Variants in ATRNL1 observed in about 807,000 individuals in gnomAD.
The protein encoded by ATRNL1 is attractin like 1.
ATRNL1 carries 95 observed loss-of-function variants against 182.7 expected under a neutral mutation model. The ratio of observed to expected loss-of-function variants is 0.52; its 90% CI spans 0.44 to 0.62. The LOEUF is 0.62. ATRNL1 is among the 20% of genes least tolerant of loss of function. The pLI is 0.00. For missense variants in ATRNL1, 1,471 were observed against 1,679.5 expected, an observed-to-expected ratio of 0.88 and a Z score of 2.17; for synonymous variants, 576 against 568.3, an observed-to-expected ratio of 1.01 and a Z score of -0.19.
intron 20 of ATRNL1, among the ~76,000 whole-genome samples, chr10:115,411,154 G>A (rs1845120078): frequency 6.6e-6 from 1 of 151,078 alleles, no homozygotes; most frequent in Non-Finnish European, 1.5e-5. Flanking sequence ...TAGTCTCTGA[G>A]TAAAAAAATT....
chr10:115,673,980 C>T (rs550115437), intron 26 of ATRNL1, among the ~76,000 whole-genome samples: 2 of 152,034 alleles, frequency 1.3e-5, no homozygotes, highest in Non-Finnish European at 2.9e-5. Flanking sequence ...AAAAAGGCTA[C>T]GAGCCAGCAC....
chr10:115,454,142 C>A (rs554218223), intron 21 of ATRNL1, among the ~76,000 whole-genome samples: 1 of 152,100 alleles, frequency 6.6e-6, no homozygotes, highest in African/African-American at 2.4e-5. Context: ...TTCCCAACAC[C>A]ATTTAATGAA....
At chr10:115,562,981 A>G (rs760173447) in intron 26 of ATRNL1, among the ~76,000 whole-genome samples, 2 of 152,244 alleles carry the variant, frequency 1.3e-5, no homozygotes, top group Non-Finnish European at 2.9e-5. Flanking sequence ...CAGTTCCTGA[A>G]TTCAAACTTA....
chr10:115,652,392 A>G (rs1860067979), intron 26 of ATRNL1, among the ~76,000 whole-genome samples: 1 of 152,100 alleles, frequency 6.6e-6, no homozygotes, highest in Non-Finnish European at 1.5e-5. Context: ...CCAGATACCT[A>G]TAAAATTCTT....
intron 27 of ATRNL1, among the ~76,000 whole-genome samples, chr10:115,780,110 A>G (rs965389059): frequency 6.6e-6 from 1 of 152,192 alleles, no homozygotes; most frequent in Non-Finnish European, 1.5e-5. Context: ...TTCATCCCCC[A>G]GTAGCAGCCA....
chr10:115,937,835 A>G (rs1281366453), intron 28 of ATRNL1, among the ~76,000 whole-genome samples: 3 of 152,222 alleles, frequency 2.0e-5, no homozygotes, highest in African/African-American at 7.2e-5. Context: ...CAGATAGTAA[A>G]TGAGGTAGTA....
intron 9 of ATRNL1, among the ~76,000 whole-genome samples, chr10:115,229,201 C>T (rs1401804974): frequency 6.6e-6 from 1 of 151,960 alleles, no homozygotes; most frequent in Non-Finnish European, 1.5e-5. Flanking sequence ...TTTTCATAGG[C>T]CACACCTGGT....
intron 26 of ATRNL1, among the ~76,000 whole-genome samples, chr10:115,681,661 A>G (rs1555044793): frequency 6.6e-6 from 1 of 152,150 alleles, no homozygotes; most frequent in East Asian, 1.9e-4. Context: ...TTATCATGTC[A>G]TAATCAACTG....
rs11197276 is a variant in ATRNL1 at position 115,535,669 on chromosome 10, A to C, written c.3717-13789A>C. On this transcript the variant is annotated intron_variant, in intron 25 of 28. Coordinates refer to ENST00000355044, the MANE Select transcript of ATRNL1 (RefSeq NM_207303.4). ...CTGGTGAGGAACTGCGTTCGTTTGG[A>C]GGAGGGGAGGTGCTCTGGTTTTTAG... Among the ~76,000 whole-genome samples, 3 of 151,864 alleles carry C rather than the reference A, an allele frequency of 2.0e-5. No homozygotes were observed. The East Asian group carries it at 5.8e-4, about 29-fold the overall frequency.
At chr10:115,141,741 CTT>C (rs1417722792) in intron 5 of ATRNL1, among the ~76,000 whole-genome samples, 2 of 152,064 alleles carry the variant, frequency 1.3e-5, no homozygotes, top group Non-Finnish European at 1.5e-5. Context: ...TATTTCTTCT[CTT>C]TTAACTTTGA....
chr10:115,650,290 C>A (rs1479554350), intron 26 of ATRNL1, among the ~76,000 whole-genome samples: 1 of 152,026 alleles, frequency 6.6e-6, no homozygotes, highest in African/African-American at 2.4e-5. Context: ...AGAGCTGACA[C>A]GATTGGACAT....
intron 26 of ATRNL1, among the ~76,000 whole-genome samples, chr10:115,580,477 C>T (rs1198520698): frequency 6.6e-6 from 1 of 152,038 alleles, no homozygotes; most frequent in Non-Finnish European, 1.5e-5. Context: ...GATGGCATTT[C>T]CTGAGTAACA....
intron 26 of ATRNL1, among the ~76,000 whole-genome samples, chr10:115,647,647 G>T (rs1859715760): frequency 6.6e-6 from 1 of 152,058 alleles, no homozygotes; most frequent in Non-Finnish European, 1.5e-5. Flanking sequence ...TGATGGGGTT[G>T]TTTGATTTTT....
chr10:115,633,312 G>GT (rs1248817416), intron 26 of ATRNL1, among the ~76,000 whole-genome samples: 11 of 152,236 alleles, frequency 7.2e-5, no homozygotes, highest in African/African-American at 2.4e-4. Context: ...ATAAAGATGT[G>GT]TAAGTCTTGG....
chr10:115,312,176 T>C (rs1252439513), intron 17 of ATRNL1, among the ~76,000 whole-genome samples: 1 of 152,188 alleles, frequency 6.6e-6, no homozygotes, highest in East Asian at 1.9e-4. Flanking sequence ...TTTGTTTTCT[T>C]CATTGTATTA....
intron 27 of ATRNL1, among the ~76,000 whole-genome samples, chr10:115,830,903 TATGAAAGTATGCAG>T (rs1204736149): frequency 8.6e-5 from 13 of 152,036 alleles, no homozygotes; most frequent in Admixed American, 2.0e-4. Context: ...CTCCAATTCA[TATGAAAGTATGCAG>T]AAGGAAAGTT....
At chr10:115,222,957 G>A (rs542130131) in intron 9 of ATRNL1, among the ~76,000 whole-genome samples, 1 of 152,280 alleles carries the variant, frequency 6.6e-6, no homozygotes, top group South Asian at 2.1e-4. Context: ...TAGCACATAA[G>A]TCAGAAAAGG....
intron 27 of ATRNL1, among the ~76,000 whole-genome samples, chr10:115,783,298 A>T (rs1182787723): frequency 6.6e-6 from 1 of 152,060 alleles, no homozygotes; most frequent in African/African-American, 2.4e-5. Context: ...AGACCAAAAA[A>T]TGCTTTTAAT....
intron 19 of ATRNL1, among the ~76,000 whole-genome samples, chr10:115,384,505 C>G (rs968772531): frequency 6.6e-6 from 1 of 151,986 alleles, no homozygotes; most frequent in Non-Finnish European, 1.5e-5. Flanking sequence ...TGTGCAGCAG[C>G]TCAACTCTGC....
Sources: allele counts gnomAD v4.1 joint callset (sites outside exome capture counted in the v4.1 genomes callset), GRCh38; gene constraint gnomAD v4.1.1; transcripts MANE v1.5; gene names NCBI Gene and HGNC (gene_info 2026-07-23, HGNC 2026-07-21).